Variants in TLN2 observed in about 807,000 individuals in gnomAD.
The protein encoded by TLN2 is talin-2.
TLN2 carries 118 observed loss-of-function variants against 294.7 expected under a neutral mutation model. That is an observed-to-expected ratio of 0.40 (90% CI 0.34 to 0.47). The LOEUF is 0.47. TLN2 is among the 20% of genes least tolerant of loss of function. The pLI is 0.84. For missense variants in TLN2, 3,083 were observed against 3,282.2 expected, an observed-to-expected ratio of 0.94 and a Z score of 1.48; for synonymous variants, 1,431 against 1,304.5, an observed-to-expected ratio of 1.10 and a Z score of -2.09.
chr15:62,652,221 G>C, intron 6 of TLN2, 87 bp downstream of exon 6: 1 of 1,378,124 alleles, frequency 7.3e-7, no homozygotes, highest in Non-Finnish European at 9.5e-7. Context: ...TTGATCTCTA[G>C]GCAACTTTGA....
chr15:62,463,715 C>T (rs969151927), intron 1 of TLN2, among the ~76,000 whole-genome samples: 8 of 152,148 alleles, frequency 5.3e-5, no homozygotes, highest in Non-Finnish European at 1.0e-4. Context: ...GAAACCCCGT[C>T]TCTACTAAAA....
intron 1 of TLN2, among the ~76,000 whole-genome samples, chr15:62,522,941 TACACACACACACACAC>T (rs71129007): frequency 0.012 from 1,644 of 133,160 alleles, 25 homozygotes; most frequent in African/African-American, 0.049. Flanking sequence ...GAATGTGGCT[TACACACACACACACAC>T]ACACACACAC....
intron 14 of TLN2, among the ~76,000 whole-genome samples, chr15:62,695,972 G>A (rs541717433): frequency 9.2e-4 from 140 of 152,258 alleles, no homozygotes; most frequent in African/African-American, 3.2e-3. Context: ...ATCACTGTGG[G>A]GTCTGATCAA....
intron 1 of TLN2, among the ~76,000 whole-genome samples, chr15:62,587,462 A>G (rs1327450696): frequency 1.3e-5 from 2 of 152,250 alleles, no homozygotes; most frequent in African/African-American, 2.4e-5. Flanking sequence ...CAAATGAATC[A>G]TACTGCATAT....
In TLN2 at chr15:62,580,039, A is replaced by G. The variant is rs146933078; in HGVS notation, c.-237-9648A>G. On this transcript the variant is annotated intron_variant, in intron 1 of 58. Transcript: ENST00000636159. ...CATCGCTGCTTCCCCAGGCCAAGCCAACATGTGTCACTCTACACCTCTCCC... is the reference window on the plus strand; with the variant it reads ...CATCGCTGCTTCCCCAGGCCAAGCCGACATGTGTCACTCTACACCTCTCCC... Among the ~76,000 whole-genome samples the G allele has an allele frequency of 2.8e-3, 427 of 152,314 alleles. 1 individual carries two copies. The highest frequency in any genetic ancestry group is 1.0e-2 in the African/African-American group (415 of 41,564).
intron 1 of TLN2, among the ~76,000 whole-genome samples, chr15:62,585,357 C>G (rs1043665845): frequency 2.6e-5 from 4 of 152,122 alleles, no homozygotes; most frequent in Admixed American, 1.3e-4. Flanking sequence ...ATTCCAGACA[C>G]CATGCTAAAA....
chr15:62,609,257 C>T (rs2047712145), intron 2 of TLN2, among the ~76,000 whole-genome samples: 1 of 152,180 alleles, frequency 6.6e-6, no homozygotes, highest in Non-Finnish European at 1.5e-5. Context: ...AAGTTGGTGA[C>T]CTAATGCACA....
chr15:62,817,763 T>C (rs1252537682), intron 52 of TLN2, among the ~76,000 whole-genome samples: 1 of 151,974 alleles, frequency 6.6e-6, no homozygotes. Context: ...TGAATGTCTA[T>C]TGTGTTCCAA....
intron 1 of TLN2, among the ~76,000 whole-genome samples, chr15:62,550,067 G>A (rs2042211207): frequency 6.6e-6 from 1 of 152,114 alleles, no homozygotes; most frequent in Admixed American, 6.6e-5. Flanking sequence ...GGAGGGTTGA[G>A]GGATGAGGCT....
chr15:62,708,567 G>T lies in TLN2; in HGVS notation c.2238G>T (p.Val746=). ...QEQLIEAGKL[V]DRSVENCVRA... ...AGCTGATTGAAGCAGGGAAGCTGGTGGACCGCTCGGTGGAGAACTGTGTCC... is the reference window on the plus strand; with the variant it reads ...AGCTGATTGAAGCAGGGAAGCTGGTTGACCGCTCGGTGGAGAACTGTGTCC... Residue 746 remains valine (V), a synonymous_variant, in exon 21 of 59, where the codon GTG becomes GTT. Transcript: ENST00000636159. The T allele has an allele frequency of 6.2e-7, 1 of 1,614,202 alleles. No homozygotes were observed. Among genetic ancestry groups the T allele is most frequent in the South Asian group, 1.1e-5 (1 of 91,086 alleles).
At position 62,797,245 on chromosome 15, in the gene TLN2, C is replaced by G; in HGVS notation, c.6077C>G (p.Ala2026Gly). 6.2e-7 allele frequency: 1 copy of G among 1,614,150 alleles called. No homozygotes were observed. Reference sequence around the variant, plus strand: ...GAGAACATTCTCAAGACGGCCAAGGCCTTGGTAGAAGACACGAAACTACTT... The same window carrying G: ...GAGAACATTCTCAAGACGGCCAAGGGCTTGGTAGAAGACACGAAACTACTT... ...HRENILKTAKALVEDTKLLVS... is the reference protein window; with the variant it reads ...HRENILKTAKGLVEDTKLLVS... The change falls in exon 48 of 59, where the codon GCC becomes GGC. Residue 2026 changes from alanine to glycine, a missense_variant. Coordinates refer to ENST00000636159, the MANE Select transcript of TLN2 (RefSeq NM_015059.3).
chr15:62,647,799 T>G (rs539689747), intron 4 of TLN2, among the ~76,000 whole-genome samples: 1 of 152,296 alleles, frequency 6.6e-6, no homozygotes, highest in East Asian at 1.9e-4. Flanking sequence ...AAACCCTGTT[T>G]CCCATGCATG....
chr15:62,603,267 C>T (rs928692275), intron 2 of TLN2, among the ~76,000 whole-genome samples: 5 of 152,048 alleles, frequency 3.3e-5, no homozygotes, highest in East Asian at 1.9e-4. Flanking sequence ...GAAAAAATTA[C>T]GGTTTATCGT....
At chr15:62,573,251 T>C (rs964606178) in intron 1 of TLN2, among the ~76,000 whole-genome samples, 1 of 152,134 alleles carries the variant, frequency 6.6e-6, no homozygotes, top group African/African-American at 2.4e-5. Context: ...CCTTGTCTTC[T>C]CACTCTGGCA....
chr15:62,770,756 A>G (rs534526397), intron 41 of TLN2, among the ~76,000 whole-genome samples: 2 of 152,148 alleles, frequency 1.3e-5, no homozygotes, highest in Non-Finnish European at 2.9e-5. Flanking sequence ...TGCCATATTT[A>G]GAGAGATGAA....
intron 54 of TLN2, chr15:62,828,316 T>C (rs966343325): frequency 6.6e-6 from 1 of 152,262 alleles, no homozygotes; most frequent in Non-Finnish European, 1.5e-5. Flanking sequence ...GAAAGACGAT[T>C]GCTTAGAGCT....
In TLN2 at chr15:62,841,135, A is replaced by G. The variant is rs980384958; in HGVS notation, c.*525A>G. 14 of 152,866 alleles carry G rather than the reference A, an allele frequency of 9.2e-5. No homozygotes were observed. Among genetic ancestry groups the G allele is most frequent in the African/African-American group, 3.4e-4 (14 of 41,448 alleles). 9.5% of individuals were successfully genotyped at this position (152,866 alleles called of 1,614,324 possible). A position where few individuals can be genotyped will look rare whatever the true frequency, so the allele number is the denominator to read the frequency against. On this transcript the variant is annotated 3_prime_UTR_variant, in exon 59 of 59. Coordinates refer to ENST00000636159, the MANE Select transcript of TLN2 (RefSeq NM_015059.3). Reference sequence around the variant, plus strand: ...CAGGTCCTCCTTCCATGTCTTGAGCACTGGCTCACCCAGGGGGTGAAAAAT... The same window carrying G: ...CAGGTCCTCCTTCCATGTCTTGAGCGCTGGCTCACCCAGGGGGTGAAAAAT...
At chr15:62,789,335 T>C (rs941300856) in intron 45 of TLN2, among the ~76,000 whole-genome samples, 1 of 152,164 alleles carries the variant, frequency 6.6e-6, no homozygotes, top group Admixed American at 6.5e-5. Context: ...CCTCACTTAC[T>C]CTCATCCCCT....
intron 1 of TLN2, among the ~76,000 whole-genome samples, chr15:62,559,608 G>A (rs1015983856): frequency 6.6e-6 from 1 of 152,190 alleles, no homozygotes; most frequent in Admixed American, 6.5e-5. Context: ...CTCTGAGGTA[G>A]CACTGTTGCC....
Sources: allele counts gnomAD v4.1 joint callset (sites outside exome capture counted in the v4.1 genomes callset), GRCh38; gene constraint gnomAD v4.1.1; transcripts MANE v1.5; gene names NCBI Gene and HGNC (gene_info 2026-07-23, HGNC 2026-07-21).